ARHGEF28: variants seen among roughly 807,000 people sequenced by gnomAD.
ARHGEF28 encodes the protein 190 kDa guanine nucleotide exchange factor.
ARHGEF28 carries 152 observed loss-of-function variants against 206.6 expected under a neutral mutation model. The ratio of observed to expected loss-of-function variants is 0.74; its 90% CI spans 0.64 to 0.84. The LOEUF (loss-of-function observed/expected upper bound fraction) is 0.84. Among genes scored for constraint, ARHGEF28 ranks in the 40% least tolerant of loss-of-function variants. The pLI, the probability that ARHGEF28 is intolerant of heterozygous loss-of-function variation, is 0.00. For synonymous variants in ARHGEF28, 763 were observed against 776.4 expected, an observed-to-expected ratio of 0.98 and a Z score of 0.29; for missense variants, 2,028 against 2,073.2, an observed-to-expected ratio of 0.98 and a Z score of 0.42.
At chr5:73,649,266 G>C (rs1425825827) in intron 1 of ARHGEF28, among the ~76,000 whole-genome samples, 1 of 152,126 alleles carries the variant, frequency 6.6e-6, no homozygotes, top group Non-Finnish European at 1.5e-5. Context: ...ATTTATTTGT[G>C]GTGGAGGGTG....
intron 11 of ARHGEF28, among the ~76,000 whole-genome samples, chr5:73,845,298 G>A (rs1758264697): frequency 1.3e-5 from 2 of 152,160 alleles, no homozygotes; most frequent in African/African-American, 2.4e-5. Context: ...TTACAGGCGT[G>A]AGCCACTGCG....
At chr5:73,630,926 G>A (rs964385758) in intron 1 of ARHGEF28, among the ~76,000 whole-genome samples, 1 of 152,224 alleles carries the variant, frequency 6.6e-6, no homozygotes, top group Non-Finnish European at 1.5e-5. Context: ...TAGATGATGA[G>A]CTGTCACTCT....
At chr5:73,845,085 T>C (rs908022398) in intron 11 of ARHGEF28, among the ~76,000 whole-genome samples, 2 of 150,386 alleles carry the variant, frequency 1.3e-5, no homozygotes, top group Non-Finnish European at 3.0e-5. Flanking sequence ...TGGTGTGATC[T>C]TGGCTCACTG....
At chr5:73,799,336 G>A (rs367633618) in intron 9 of ARHGEF28, among the ~76,000 whole-genome samples, 3 of 152,280 alleles carry the variant, frequency 2.0e-5, no homozygotes, top group East Asian at 3.9e-4. Context: ...GCAAAGCTGC[G>A]AATGGCTTGA....
At chr5:73,891,820 C>G (rs376600709) in intron 26 of ARHGEF28, among the ~76,000 whole-genome samples, 2 of 152,144 alleles carry the variant, frequency 1.3e-5, no homozygotes, top group South Asian at 4.1e-4. Flanking sequence ...CCGTTGGGCC[C>G]GGCCTAAACC....
rs192879100 is a variant in ARHGEF28 at position 73,626,834 on chromosome 5, A to G, written c.-12+512A>G. ...CGTGTGGAAGCATCTGCTGTGTTTC[A>G]AAAGGCATTTATGGTTACCTTGGTT... On this transcript the variant is annotated intron_variant, in intron 1 of 35. Transcript: ENST00000513042. Among the ~76,000 whole-genome samples, 291 of 152,346 alleles carry G rather than the reference A, an allele frequency of 1.9e-3. 3 individuals carry two copies. Among genetic ancestry groups the G allele is most frequent in the African/African-American group, 6.7e-3 (279 of 41,584 alleles).
At chr5:73,734,960 C>T (rs1429510815) in intron 2 of ARHGEF28, among the ~76,000 whole-genome samples, 1 of 152,018 alleles carries the variant, frequency 6.6e-6, no homozygotes, top group Non-Finnish European at 1.5e-5. Context: ...TGAGGAGGGT[C>T]ATTGTAACTT....
At chr5:73,852,628 T>C in intron 13 of ARHGEF28, 22 bp from the exon 14 acceptor site, 1 of 1,612,630 alleles carries the variant, frequency 6.2e-7, no homozygotes, top group Non-Finnish European at 8.5e-7. Flanking sequence ...TAGTTTTCAT[T>C]TTATTGTTCT....
intron 9 of ARHGEF28, among the ~76,000 whole-genome samples, chr5:73,829,158 T>G (rs1757131476): frequency 6.6e-6 from 1 of 152,234 alleles, no homozygotes; most frequent in Non-Finnish European, 1.5e-5. Context: ...TGAATTCTTC[T>G]AGGAATAGTC....
At chr5:73,939,256 T>C (rs1476748826) in intron 35 of ARHGEF28, among the ~76,000 whole-genome samples, 1 of 152,140 alleles carries the variant, frequency 6.6e-6, no homozygotes, top group Admixed American at 6.5e-5. Flanking sequence ...TAGAGAGAGA[T>C]GACGAATGTA....
At chr5:73,731,487 G>A (rs1160153297) in intron 2 of ARHGEF28, among the ~76,000 whole-genome samples, 2 of 152,146 alleles carry the variant, frequency 1.3e-5, no homozygotes, top group Admixed American at 1.3e-4. Context: ...GGATACTGTG[G>A]CACAGTCATC....
chr5:73,838,258 CT>C (rs35780275), intron 10 of ARHGEF28, among the ~76,000 whole-genome samples: 118,187 of 151,582 alleles, frequency 0.78, 46,413 homozygotes, highest in East Asian at 0.93. Context: ...TAGCATAGTA[CT>C]TTTTTTTTTA....
intron 35 of ARHGEF28, among the ~76,000 whole-genome samples, chr5:73,914,519 C>G (rs1221886942): frequency 6.7e-6 from 1 of 149,868 alleles, no homozygotes; most frequent in African/African-American, 2.5e-5. Context: ...GCCTCAGCCT[C>G]CTGAGTAGCT....
chr5:73,698,438 C>G (rs1412007195), intron 2 of ARHGEF28, among the ~76,000 whole-genome samples: 1 of 152,052 alleles, frequency 6.6e-6, no homozygotes, highest in Admixed American at 6.6e-5. Context: ...TTGTACAGGT[C>G]AAATTTGATC....
Position 73,865,897 on chromosome 5 carries a change from A to G in ARHGEF28, c.2104-68A>G, listed in dbSNP as rs566383980. The G allele has an allele frequency of 1.0e-4, 116 of 1,124,472 alleles. No homozygotes were observed. In the East Asian group the frequency reaches 2.8e-3, roughly 27 times the overall value. The allele number at this position is 1,124,472 out of a possible 1,614,324, so 69.7% of individuals were successfully genotyped here. A position where few individuals can be genotyped will look rare whatever the true frequency, so the allele number is the denominator to read the frequency against. ...GATAAGAATTCTGTTCTGTGTAACTATGTGGATATTCTTATAGTCTAATGA... is the reference window on the plus strand; with the variant it reads ...GATAAGAATTCTGTTCTGTGTAACTGTGTGGATATTCTTATAGTCTAATGA... On this transcript the variant is annotated intron_variant, in intron 17 of 35. Transcript: ENST00000513042.
chr5:73,869,504 ATCT>A (rs1463240531), intron 20 of ARHGEF28, among the ~76,000 whole-genome samples: 2 of 152,168 alleles, frequency 1.3e-5, no homozygotes, highest in Non-Finnish European at 2.9e-5. Flanking sequence ...AAGCAAAAGA[ATCT>A]TCAAATGTCT....
chr5:73,845,952 C>T (rs1211521749), intron 11 of ARHGEF28, among the ~76,000 whole-genome samples: 1 of 130,530 alleles, frequency 7.7e-6, no homozygotes, highest in Non-Finnish European at 1.6e-5. Context: ...TGTGTCACTG[C>T]ACTCCAGCCT....
intron 1 of ARHGEF28, among the ~76,000 whole-genome samples, chr5:73,656,190 C>G (rs1055886148): frequency 4.6e-5 from 7 of 152,124 alleles, no homozygotes; most frequent in African/African-American, 1.7e-4. Flanking sequence ...CTCCTTTTTA[C>G]CTCTTTTCTT....
At chr5:73,751,445 C>A (rs540861675) in intron 3 of ARHGEF28, among the ~76,000 whole-genome samples, 1 of 152,160 alleles carries the variant, frequency 6.6e-6, no homozygotes, top group African/African-American at 2.4e-5. Flanking sequence ...ATCTAATTAA[C>A]GGCACATAGT....
Sources: allele counts gnomAD v4.1 joint callset (sites outside exome capture counted in the v4.1 genomes callset), GRCh38; gene constraint gnomAD v4.1.1; transcripts MANE v1.5; gene names NCBI Gene and HGNC (gene_info 2026-07-23, HGNC 2026-07-21).